The following EML6 variants were observed in gnomAD, a reference collection of about 807,000 sequenced individuals.
EML6 encodes EMAP like 6.
In EML6, 154 loss-of-function variants were observed where a neutral mutation model predicts 240.1. That is an observed-to-expected ratio of 0.64 (90% CI 0.56 to 0.73). EML6 has a LOEUF of 0.73. Among genes scored for constraint, EML6 ranks in the 30% least tolerant of loss-of-function variants. The probability of loss-of-function intolerance (pLI) is 0.00; values close to 1 mark genes in which losing one functional copy is unlikely to be tolerated. For missense variants in EML6, 2,964 were observed against 2,474.6 expected (o/e 1.20, Z -4.20); for synonymous variants, 1,148 against 899.0 (o/e 1.28, Z -4.95).
At chr2:54,938,221 C>T (rs1044653660) in intron 28 of EML6, among the ~76,000 whole-genome samples, 1 of 152,162 alleles carries the variant, frequency 6.6e-6, no homozygotes, top group Non-Finnish European at 1.5e-5. Flanking sequence ...TGGCGGGCAC[C>T]TGTAATCACA....
At chr2:54,946,161 C>T (rs1484782855) in intron 28 of EML6, among the ~76,000 whole-genome samples, 4 of 152,208 alleles carry the variant, frequency 2.6e-5, no homozygotes, top group African/African-American at 7.2e-5. Context: ...CCTTAAATTT[C>T]TTGCCAATGG....
rs765669867 is a variant in EML6, at chr2:54,971,439, C to T, written c.*1344C>T. On this transcript the variant is annotated 3_prime_UTR_variant, in exon 42 of 42. Transcript: ENST00000356458. ...CCTATTAGTCCTTCTGGTCAGTGAA[C>T]GAAAATTCTAGACCTACAGTTACTG... 1.1e-4 allele frequency: 16 copies of T among 152,098 alleles called. No individual in the cohort carries two copies. Among genetic ancestry groups the T allele is most frequent in the Admixed American group, 5.2e-4 (8 of 15,276 alleles). The allele number at this position is 152,098 out of a possible 1,614,324, so 9.4% of individuals were successfully genotyped here.
In EML6 at chr2:54,893,158, C is replaced by T. The variant is rs1573087532; in HGVS notation, c.2742+502C>T. Reference sequence around the variant, plus strand: ...TGAAGGCTGTTCATTGGCCATATTACAATTCAAGCTCATCATAATTGCCCT... The same window carrying T: ...TGAAGGCTGTTCATTGGCCATATTATAATTCAAGCTCATCATAATTGCCCT... On this transcript the variant is annotated intron_variant, in intron 19 of 41. Coordinates refer to ENST00000356458, the MANE Select transcript of EML6 (RefSeq NM_001039753.4). Among the ~76,000 whole-genome samples the T allele has an allele frequency of 1.3e-5, 2 of 152,316 alleles. 1 individual carries two copies.
chr2:54,942,213 C>T (rs1214162767), intron 28 of EML6, among the ~76,000 whole-genome samples: 2 of 152,090 alleles, frequency 1.3e-5, no homozygotes, highest in Non-Finnish European at 2.9e-5. Flanking sequence ...GTATAAAAAT[C>T]CAGAAGTAAA....
At chr2:54,969,110 A>G (rs547940715) in intron 41 of EML6, among the ~76,000 whole-genome samples, 1 of 152,290 alleles carries the variant, frequency 6.6e-6, no homozygotes, top group South Asian at 2.1e-4. Context: ...GCTTTTGTGC[A>G]TAATCAGGAG....
At chr2:54,890,463 C>T (rs1672405831) in intron 17 of EML6, among the ~76,000 whole-genome samples, 1 of 152,190 alleles carries the variant, frequency 6.6e-6, no homozygotes, top group African/African-American at 2.4e-5. Context: ...GTTTGTCCTT[C>T]TGCCCCTTAG....
intron 25 of EML6, 22 bp from the exon 26 acceptor site, chr2:54,916,737 A>G: frequency 4.8e-6 from 7 of 1,470,846 alleles, no homozygotes; most frequent in Non-Finnish European, 6.4e-6. Flanking sequence ...CAAAAATATC[A>G]TTCTCTTTCG....
rs1162701217 is a variant in EML6 at position 54,859,527 on chromosome 2, C to A, written c.1658-7C>A. 8 of 1,547,350 alleles carry A rather than the reference C, an allele frequency of 5.2e-6. No individual in the cohort carries two copies. Among genetic ancestry groups the A allele is most frequent in the South Asian group, 1.2e-5 (1 of 82,752 alleles). ...ATAACTAATCCTCTCAAAAAATATT[C>A]TTTCAGGAGCCAAATTTAGAAAGTA... On this transcript the variant is annotated splice_region_variant and splice_polypyrimidine_tract_variant and intron_variant, in intron 11 of 41. Coordinates refer to ENST00000356458, the MANE Select transcript of EML6 (RefSeq NM_001039753.4).
intron 28 of EML6, among the ~76,000 whole-genome samples, chr2:54,945,473 GT>G (rs1170117981): frequency 6.6e-6 from 1 of 152,042 alleles, no homozygotes; most frequent in Admixed American, 6.6e-5. Context: ...TTGGAACTGA[GT>G]TTCCCCACAC....
intron 37 of EML6, 117 bp from the exon 38 acceptor site, chr2:54,964,454 C>T (rs1676661740): frequency 1.2e-5 from 11 of 937,644 alleles, no homozygotes; most frequent in Non-Finnish European, 1.7e-5. Flanking sequence ...ACATGTGAGT[C>T]ACAAGGTGGC....
At chr2:54,927,522 C>T (rs904038690) in intron 26 of EML6, among the ~76,000 whole-genome samples, 4 of 152,136 alleles carry the variant, frequency 2.6e-5, no homozygotes, top group African/African-American at 7.2e-5. Flanking sequence ...TTAAATGGCT[C>T]CCGCTGCAGC....
chr2:54,830,333 C>T (rs1037933678), intron 7 of EML6, among the ~76,000 whole-genome samples: 5 of 152,130 alleles, frequency 3.3e-5, no homozygotes, highest in Non-Finnish European at 7.4e-5. Flanking sequence ...GCCACAGACC[C>T]TGCGCCAAGG....
rs34171697 is a variant in EML6, at chr2:54,909,850, CAAAAAAAAAAA to C, written c.3410-1092_3410-1082del. ...TGGGTGACAGAGCGAGACTCCATCTCAAAAAAAAAAAAAAAAAAAAAAGATTAGCCAAGCTA... is the reference window on the plus strand; with the variant it reads ...TGGGTGACAGAGCGAGACTCCATCTCAAAAAAAAAAAGATTAGCCAAGCTA... On this transcript the variant is annotated intron_variant, in intron 24 of 41. Transcript: ENST00000356458. Among the ~76,000 whole-genome samples the C allele has an allele frequency of 4.1e-4, 28 of 68,520 alleles. No individual in the cohort carries two copies. In the East Asian group the frequency reaches 0.011, roughly 27 times the overall value. The allele number at this position is 68,520 out of a possible 152,430, so 45.0% of individuals were successfully genotyped here. A position where few individuals can be genotyped will look rare whatever the true frequency, so the allele number is the denominator to read the frequency against.
At chr2:54,750,659 C>T (rs764455181) in intron 2 of EML6, among the ~76,000 whole-genome samples, 2 of 151,962 alleles carry the variant, frequency 1.3e-5, no homozygotes, top group African/African-American at 2.4e-5. Flanking sequence ...TTTTTTTGAA[C>T]CTATGGGTAT....
chr2:54,816,929 G>C (rs1477031712), intron 4 of EML6, 44 bp downstream of exon 4: 1 of 1,244,936 alleles, frequency 8.0e-7, no homozygotes, highest in Admixed American at 2.0e-5. Context: ...CAGAACTTGG[G>C]GGGACTTGTG....
chr2:54,947,468 A>G (rs1360516843), intron 28 of EML6, among the ~76,000 whole-genome samples: 1 of 152,150 alleles, frequency 6.6e-6, no homozygotes, highest in African/African-American at 2.4e-5. Flanking sequence ...AGTTTCTGAG[A>G]AAATAAAGGT....
intron 28 of EML6, among the ~76,000 whole-genome samples, 170 bp downstream of exon 28, chr2:54,928,921 C>G (rs771078198): frequency 9.9e-5 from 15 of 152,230 alleles, no homozygotes; most frequent in Non-Finnish European, 2.2e-4. Flanking sequence ...AATTGCACAA[C>G]ATCCCAGTAC....
chr2:54,922,270 A>G (rs1411700615), intron 26 of EML6, among the ~76,000 whole-genome samples: 2 of 152,256 alleles, frequency 1.3e-5, no homozygotes, highest in African/African-American at 4.8e-5. Context: ...TTCTCCAAAG[A>G]AGACATAGAA....
At chr2:54,790,857 C>T (rs1016880979) in intron 2 of EML6, among the ~76,000 whole-genome samples, 1 of 151,536 alleles carries the variant, frequency 6.6e-6, no homozygotes, top group Non-Finnish European at 1.5e-5. Flanking sequence ...TCCCGAGTAG[C>T]TGGGACTACA....
Sources: allele counts gnomAD v4.1 joint callset (sites outside exome capture counted in the v4.1 genomes callset), GRCh38; gene constraint gnomAD v4.1.1; transcripts MANE v1.5; gene names NCBI Gene and HGNC (gene_info 2026-07-23, HGNC 2026-07-21).